Variants in SENP6 observed in about 807,000 individuals in gnomAD.
SENP6 encodes the protein SUMO specific peptidase 6, also known as sentrin-specific protease 6.
A neutral mutation model predicts 134.5 loss-of-function variants in SENP6; 41 were observed. The observed-to-expected ratio is 0.30, with a 90% CI of 0.24 to 0.40. The LOEUF (loss-of-function observed/expected upper bound fraction) is 0.40. Ranked by LOEUF, SENP6 falls within the 10% of genes least tolerant of loss-of-function variation. SENP6 has a pLI of 1.00. For missense variants in SENP6, 1,248 were observed against 1,312.5 expected (o/e 0.95, Z 0.76); for synonymous variants, 395 against 429.8 (o/e 0.92, Z 1.00).
At position 75,639,452 on chromosome 6, in the gene SENP6, G is replaced by A. The variant is rs181329586; in HGVS notation, c.459-1232G>A. Among the ~76,000 whole-genome samples the A allele has an allele frequency of 1.8e-3, 274 of 150,846 alleles. 1 individual carries two copies. Among genetic ancestry groups the A allele is most frequent in the South Asian group, 6.3e-3 (30 of 4,762 alleles). On this transcript the variant is annotated intron_variant, in intron 5 of 23. Coordinates refer to ENST00000447266, the MANE Select transcript of SENP6 (RefSeq NM_015571.4). Reference sequence around the variant, plus strand: ...GTTACTATATTTTTTTTCTTCATTTGCTAGGATTAAATTGGTATTTTAGTT... The same window carrying A: ...GTTACTATATTTTTTTTCTTCATTTACTAGGATTAAATTGGTATTTTAGTT...
In SENP6 at chr6:75,687,746, G is replaced by A. The variant is rs540153289; in HGVS notation, c.2076-8058G>A. On this transcript the variant is annotated intron_variant, in intron 16 of 23. Coordinates refer to ENST00000447266, the MANE Select transcript of SENP6 (RefSeq NM_015571.4). The stretch of plus-strand genomic sequence containing the variant: ...CAGAGGCTGCAGAACAGCAAATATT[G>A]CTGCCTGATCCTTCCTCTGGAAGCT... Among the ~76,000 whole-genome samples, 424 of 152,292 alleles carry A rather than the reference G, an allele frequency of 2.8e-3. 1 individual carries two copies. Among genetic ancestry groups the A allele is most frequent in the Non-Finnish European group, 5.0e-3 (341 of 68,012 alleles).
In SENP6 at chr6:75,717,526, A is replaced by G. The variant is rs1402847795; in HGVS notation, c.*1932A>G. 2 of 152,076 alleles carry G rather than the reference A, an allele frequency of 1.3e-5. No individual in the cohort carries two copies. The highest frequency in any genetic ancestry group is 6.5e-5 in the Admixed American group (1 of 15,268). The allele number at this position is 152,076 out of a possible 1,614,324, so 9.4% of individuals were successfully genotyped here. On this transcript the variant is annotated 3_prime_UTR_variant, in exon 24 of 24. Transcript: ENST00000447266. Reference sequence around the variant, plus strand: ...TATTTGATGGCATTTTTCCCACCCCATGTGAAATTTTATTTTTGGAAGTTA... The same window carrying G: ...TATTTGATGGCATTTTTCCCACCCCGTGTGAAATTTTATTTTTGGAAGTTA...
intron 16 of SENP6, among the ~76,000 whole-genome samples, chr6:75,684,216 AGG>A (rs1773668647): frequency 1.3e-5 from 2 of 152,196 alleles, no homozygotes; most frequent in Non-Finnish European, 1.5e-5. Flanking sequence ...AATGGTGTAT[AGG>A]AATGCTTGTG....
intron 17 of SENP6, among the ~76,000 whole-genome samples, chr6:75,696,489 T>C (rs1195388468): frequency 6.6e-6 from 1 of 152,184 alleles, no homozygotes; most frequent in African/African-American, 2.4e-5. Flanking sequence ...TTTGTTTTCT[T>C]TTTTTCAAGA....
intron 20 of SENP6, 126 bp from the exon 21 acceptor site, chr6:75,711,202 C>T (rs1237561371): frequency 3.4e-6 from 2 of 585,942 alleles, no homozygotes; most frequent in African/African-American, 3.7e-5. Context: ...AGTGTCTAAT[C>T]ACCTAAATAG....
intron 2 of SENP6, among the ~76,000 whole-genome samples, chr6:75,623,236 G>A (rs1242450064): frequency 6.6e-6 from 1 of 152,118 alleles, no homozygotes; most frequent in Non-Finnish European, 1.5e-5. Context: ...TCTTTACGGT[G>A]CTAGCTGTCC....
intron 5 of SENP6, among the ~76,000 whole-genome samples, chr6:75,637,859 GT>G (rs1769645062): frequency 6.6e-6 from 1 of 152,052 alleles, no homozygotes; most frequent in African/African-American, 2.4e-5. Context: ...ATTTTGAGAG[GT>G]TTTTTGTGTT....
In SENP6 at chr6:75,616,957, A is replaced by G. The variant is rs556985061; in HGVS notation, c.53-4575A>G. 2.0e-5 allele frequency among the ~76,000 whole-genome samples: 3 copies of G among 151,904 alleles called. No individual in the cohort carries two copies. In the South Asian group the frequency reaches 6.2e-4, roughly 32 times the overall value. ...TGGCTCACTGCAGCCTCAACCTCCCAGGCTCAATTGATCCTCCGTCCAATC... is the reference window on the plus strand; with the variant it reads ...TGGCTCACTGCAGCCTCAACCTCCCGGGCTCAATTGATCCTCCGTCCAATC... On this transcript the variant is annotated intron_variant, in intron 1 of 23. Coordinates refer to ENST00000447266, the MANE Select transcript of SENP6 (RefSeq NM_015571.4).
intron 16 of SENP6, 48 bp downstream of exon 16, chr6:75,678,975 C>A: frequency 1.1e-6 from 1 of 916,518 alleles, no homozygotes; most frequent in South Asian, 1.5e-5. Flanking sequence ...AACATTCCGT[C>A]ATATCTTATG....
Position 75,623,835 on chromosome 6 carries a change from C to T in SENP6, c.147-65C>T. The T allele has an allele frequency of 3.6e-6, 5 of 1,402,610 alleles. No individual in the cohort carries two copies. The South Asian group carries it at 5.1e-5, about 14-fold the overall frequency. 86.9% of individuals were successfully genotyped at this position (1,402,610 alleles called of 1,614,324 possible). On this transcript the variant is annotated intron_variant, in intron 2 of 23. Transcript: ENST00000447266. The stretch of plus-strand genomic sequence containing the variant: ...AATTAGGTGAACATAGAGGATAAAA[C>T]CTCAGAATTTAATATAAGGATTGTG...
At chr6:75,696,615 C>G (rs1774681229) in intron 17 of SENP6, among the ~76,000 whole-genome samples, 1 of 152,112 alleles carries the variant, frequency 6.6e-6, no homozygotes, top group Admixed American at 6.6e-5. Flanking sequence ...GTAGCTGGGA[C>G]TAAGGCACAC....
At position 75,623,938 on chromosome 6, in the gene SENP6, C is replaced by T. The variant is rs1322645665; in HGVS notation, c.185C>T (p.Ser62Phe). The T allele has an allele frequency of 6.2e-7, 1 of 1,609,004 alleles. No homozygotes were observed. The highest frequency in any genetic ancestry group is 8.5e-7 in the Non-Finnish European group (1 of 1,177,320). The stretch of plus-strand genomic sequence containing the variant: ...CTCAGTGTGGATGAAGATGAGGATT[C>T]TGAAACCTCAAAAGGAAAAAAGGCA... ...NLLSVDEDED[S>F]ETSKGKKLNR... The change falls in exon 3 of 24, where the codon TCT becomes TTT. Residue 62 changes from serine (S) to phenylalanine (F), a missense_variant. Ser to Phe is a radical substitution (Grantham distance 155). This residue lies in a region of SENP6 where 733 missense variants were observed against 725.4 expected (regional missense o/e 1.01). Transcript: ENST00000447266.
chr6:75,615,700 T>C (rs1767800742), intron 1 of SENP6, among the ~76,000 whole-genome samples: 1 of 152,212 alleles, frequency 6.6e-6, no homozygotes. Flanking sequence ...AAGTTTAGGA[T>C]CAAGTATTCT....
intron 11 of SENP6, among the ~76,000 whole-genome samples, chr6:75,672,729 T>C (rs1675264167): frequency 6.6e-6 from 1 of 152,268 alleles, no homozygotes; most frequent in South Asian, 2.1e-4. Context: ...TGTTTTACTA[T>C]GTTTAATGTT....
intron 1 of SENP6, among the ~76,000 whole-genome samples, chr6:75,612,450 G>A (rs984569190): frequency 2.0e-5 from 3 of 152,128 alleles, no homozygotes; most frequent in African/African-American, 7.2e-5. Context: ...TCCTGCCTCA[G>A]CCTCCTTAGT....
chr6:75,633,253 A>C (rs1210049071), intron 3 of SENP6, among the ~76,000 whole-genome samples: 2 of 152,206 alleles, frequency 1.3e-5, no homozygotes, highest in East Asian at 3.8e-4. Flanking sequence ...AGATAGCAGC[A>C]AGGCCTGATA....
At chr6:75,681,437 A>G (rs1773456914) in intron 16 of SENP6, among the ~76,000 whole-genome samples, 1 of 151,430 alleles carries the variant, frequency 6.6e-6, no homozygotes, top group African/African-American at 2.4e-5. Flanking sequence ...TCTTTTCTTT[A>G]TAAATTACCC....
At chr6:75,641,556 A>G (rs1770028068) in intron 6 of SENP6, among the ~76,000 whole-genome samples, 1 of 152,198 alleles carries the variant, frequency 6.6e-6, no homozygotes, top group Non-Finnish European at 1.5e-5. Flanking sequence ...ACACTGGCAG[A>G]CACATGTTGT....
intron 17 of SENP6, among the ~76,000 whole-genome samples, chr6:75,696,459 A>G (rs902885136): frequency 6.6e-6 from 1 of 152,010 alleles, no homozygotes; most frequent in Non-Finnish European, 1.5e-5. Context: ...AGGAAATACT[A>G]TTGTACATAG....
Sources: gnomAD v4.1 joint callset for allele counts (sites outside exome capture counted in the v4.1 genomes callset) on GRCh38, gnomAD v4.1.1 for gene constraint, gnomAD v4.1.1 regional missense constraint, MANE v1.5 for transcripts, NCBI Gene and HGNC (gene_info 2026-07-23, HGNC 2026-07-21) for gene names.